Variants in TRRAP observed in about 807,000 individuals in gnomAD.
The protein encoded by TRRAP is transformation/transcription domain-associated protein.
In TRRAP, 41 loss-of-function variants were observed where a neutral mutation model predicts 438.8. The ratio of observed to expected loss-of-function variants is 0.09; its 90% confidence interval spans 0.07 to 0.12. The LOEUF (loss-of-function observed/expected upper bound fraction) is 0.12, where lower values mean the gene tolerates loss of function less well. Ranked by LOEUF, TRRAP falls within the 10% of genes least tolerant of loss-of-function variation. The pLI, the probability that TRRAP is intolerant of heterozygous loss-of-function variation, is 1.00. For synonymous variants in TRRAP, 1,994 were observed against 1,962.9 expected, an observed-to-expected ratio of 1.02 and a Z score of -0.42; for missense variants, 3,122 against 5,055.1, an observed-to-expected ratio of 0.62 and a Z score of 11.60.
At chr7:98,929,868 A>T in intron 23 of TRRAP, 121 bp from the exon 24 acceptor site, 2 of 1,009,412 alleles carry the variant, frequency 2.0e-6, no homozygotes, top group Non-Finnish European at 3.0e-6. Context: ...TGCTGGGATT[A>T]CGGGTGTGAG....
At chr7:98,909,793 C>CTTTT (rs3216991) in intron 14 of TRRAP, among the ~76,000 whole-genome samples, 1 of 1,874 alleles carries the variant, frequency 5.3e-4, no homozygotes, top group Non-Finnish European at 2.2e-3. Flanking sequence ...AAATCGGCAC[C>CTTTT]TTTTCCTTTA....
chr7:98,981,564 T>C (rs1278701575), intron 58 of TRRAP, among the ~76,000 whole-genome samples: 2 of 152,202 alleles, frequency 1.3e-5, no homozygotes, highest in African/African-American at 4.8e-5. Flanking sequence ...GATTGGCCGC[T>C]CACTGGAATT....
intron 3 of TRRAP, among the ~76,000 whole-genome samples, chr7:98,884,530 C>G (rs1482974271): frequency 9.2e-5 from 14 of 152,166 alleles, no homozygotes; most frequent in Non-Finnish European, 2.1e-4. Context: ...CCACCATGCC[C>G]AGCCGCATCT....
At position 98,897,190 on chromosome 7, in the gene TRRAP, G is replaced by A. The variant is rs146775540; in HGVS notation, c.508-551G>A. 6.6e-3 allele frequency among the ~76,000 whole-genome samples: 1,011 copies of A among 152,224 alleles called. 16 individuals carry two copies. The highest frequency in any genetic ancestry group is 0.023 in the African/African-American group (943 of 41,536). ...GTGGAAGTTGCAGTGAGCCAAGATC[G>A]TACCACTGCACTCCAGCCTGGGCAA... On this transcript the variant is annotated intron_variant, in intron 7 of 72. Transcript: ENST00000456197.
At chr7:98,893,501 A>G (rs1003506445) in intron 5 of TRRAP, among the ~76,000 whole-genome samples, 2 of 152,248 alleles carry the variant, frequency 1.3e-5, no homozygotes, top group Non-Finnish European at 2.9e-5. Context: ...TTTTCACAAT[A>G]TTGTCCAACA....
At chr7:98,923,775 T>C (rs1211247078) in intron 21 of TRRAP, among the ~76,000 whole-genome samples, 1 of 152,226 alleles carries the variant, frequency 6.6e-6, no homozygotes, top group African/African-American at 2.4e-5. Context: ...CATCACCCTC[T>C]CCTGGTTCCT....
At chr7:98,930,542 C>A in intron 24 of TRRAP, 91 bp from the exon 25 acceptor site, 1 of 1,514,314 alleles carries the variant, frequency 6.6e-7, no homozygotes, top group Non-Finnish European at 9.0e-7. Flanking sequence ...CACACCATTG[C>A]ACTCCGGCCT....
In TRRAP at chr7:98,985,119, A is replaced by G. The variant is rs556828658; in HGVS notation, c.9389+75A>G. ...TAAAGTTATTTATAACCTGAAGCCAATGTGAAGCTCAAGCTAGAAATGGGT... is the reference window on the plus strand; with the variant it reads ...TAAAGTTATTTATAACCTGAAGCCAGTGTGAAGCTCAAGCTAGAAATGGGT... On this transcript the variant is annotated intron_variant, in intron 62 of 72. Coordinates refer to ENST00000456197, the MANE Select transcript of TRRAP (RefSeq NM_001375524.1). The G allele has an allele frequency of 1.8e-4, 203 of 1,100,550 alleles. 1 individual carries two copies. The South Asian group carries it at 2.6e-3, about 14-fold the overall frequency. 68.2% of individuals were successfully genotyped at this position (1,100,550 alleles called of 1,614,324 possible).
intron 3 of TRRAP, among the ~76,000 whole-genome samples, chr7:98,886,913 T>C (rs1335289016): frequency 6.6e-6 from 1 of 152,100 alleles, no homozygotes; most frequent in Admixed American, 6.6e-5. Flanking sequence ...TTATAAAAAA[T>C]TTTTTTAGAG....
chr7:98,911,929 C>A, intron 17 of TRRAP, 93 bp from the exon 18 acceptor site: 1 of 1,151,988 alleles, frequency 8.7e-7, no homozygotes, highest in Non-Finnish European at 1.2e-6. Flanking sequence ...GTGATACAGG[C>A]TTGGTTTTAT....
chr7:98,894,522 G>C (rs148373986), intron 6 of TRRAP, among the ~76,000 whole-genome samples: 1 of 151,680 alleles, frequency 6.6e-6, no homozygotes, highest in Non-Finnish European at 1.5e-5. Flanking sequence ...ACTTAAAATA[G>C]AAATTAAAAG....
chr7:98,881,001 C>G (rs1356915582), intron 1 of TRRAP, 89 bp from the exon 2 acceptor site: 2 of 483,624 alleles, frequency 4.1e-6, no homozygotes, highest in Non-Finnish European at 7.2e-6. Context: ...GAAAGCGTAT[C>G]GATTATGTAG....
At chr7:98,882,212 C>A (rs782423627) in intron 3 of TRRAP, among the ~76,000 whole-genome samples, 188 bp downstream of exon 3, 1 of 152,112 alleles carries the variant, frequency 6.6e-6, no homozygotes. Context: ...CTGGTGATAG[C>A]GAACCCCATA....
intron 13 of TRRAP, among the ~76,000 whole-genome samples, chr7:98,907,018 TAA>T (rs782153890): frequency 3.9e-4 from 55 of 141,126 alleles, no homozygotes; most frequent in Non-Finnish European, 4.5e-4. Flanking sequence ...TTCTTACACT[TAA>T]AAAAAAAAAA....
At chr7:99,003,067 C>T (rs1171943813) in intron 67 of TRRAP, among the ~76,000 whole-genome samples, 4 of 152,160 alleles carry the variant, frequency 2.6e-5, no homozygotes, top group Non-Finnish European at 5.9e-5. Context: ...GGGCTCAGGA[C>T]GCCAGCCCTG....
chr7:98,984,573 A>C (rs909071148), intron 61 of TRRAP, among the ~76,000 whole-genome samples: 4 of 152,220 alleles, frequency 2.6e-5, no homozygotes, highest in African/African-American at 9.6e-5. Context: ...TCTCTGTCCT[A>C]CTATATACTT....
At chr7:98,924,991 C>A in intron 21 of TRRAP, 121 bp from the exon 22 acceptor site, 2 of 1,339,536 alleles carry the variant, frequency 1.5e-6, no homozygotes, top group Non-Finnish European at 2.0e-6. Context: ...GGCGACAGAG[C>A]GAGACTCCGT....
intron 3 of TRRAP, among the ~76,000 whole-genome samples, chr7:98,883,386 C>G (rs1460100834): frequency 6.6e-6 from 1 of 152,066 alleles, no homozygotes; most frequent in Non-Finnish European, 1.5e-5. Flanking sequence ...AGACCATATT[C>G]TTCTCTTATG....
intron 8 of TRRAP, among the ~76,000 whole-genome samples, chr7:98,898,875 A>G (rs1472864994): frequency 6.6e-6 from 1 of 152,202 alleles, no homozygotes; most frequent in Non-Finnish European, 1.5e-5. Flanking sequence ...CTTTTTACAA[A>G]TGATTATGTA....
Sources: allele counts gnomAD v4.1 joint callset (sites outside exome capture counted in the v4.1 genomes callset), GRCh38; gene constraint gnomAD v4.1.1; transcripts MANE v1.5; gene names NCBI Gene and HGNC (gene_info 2026-07-23, HGNC 2026-07-21).